The following OXR1 variants were observed in gnomAD, a reference collection of about 807,000 sequenced individuals.
OXR1 encodes the protein oxidation resistance 1.
In OXR1, 41 loss-of-function variants were observed where a neutral mutation model predicts 104.6. The ratio of observed to expected loss-of-function variants is 0.39; its 90% confidence interval spans 0.31 to 0.51. The LOEUF (loss-of-function observed/expected upper bound fraction) is 0.51, where lower values mean the gene tolerates loss of function less well. OXR1 is among the 20% of genes least tolerant of loss of function. OXR1 has a pLI of 0.77. For missense variants in OXR1, 955 were observed against 1,031.9 expected, an observed-to-expected ratio of 0.93 and a Z score of 1.02; for synonymous variants, 348 against 348.4, an observed-to-expected ratio of 1.00 and a Z score of 0.01.
intron 3 of OXR1, among the ~76,000 whole-genome samples, chr8:106,643,901 T>C (rs920060092): frequency 6.6e-6 from 1 of 152,190 alleles, no homozygotes; most frequent in Admixed American, 6.5e-5. Flanking sequence ...TTAAGGGCAT[T>C]GTGTGAAAGA....
intron 4 of OXR1, among the ~76,000 whole-genome samples, chr8:106,681,199 A>G (rs1160240703): frequency 1.3e-5 from 2 of 152,156 alleles, no homozygotes. Flanking sequence ...ATGTGTTATT[A>G]TTAATTATGA....
chr8:106,677,360 A>C (rs967923857), intron 3 of OXR1, among the ~76,000 whole-genome samples: 1 of 152,174 alleles, frequency 6.6e-6, no homozygotes. Context: ...TTAGAGAAGC[A>C]AATTTAAATA....
intron 11 of OXR1, among the ~76,000 whole-genome samples, chr8:106,715,629 T>G (rs1354023725): frequency 6.6e-6 from 1 of 151,968 alleles, no homozygotes; most frequent in Non-Finnish European, 1.5e-5. Flanking sequence ...TTACACAGGA[T>G]TCAGTGACAA....
At chr8:106,675,317 C>T (rs1587046437) in intron 3 of OXR1, among the ~76,000 whole-genome samples, 1 of 152,120 alleles carries the variant, frequency 6.6e-6, no homozygotes, top group South Asian at 2.1e-4. Context: ...AACTTGACCT[C>T]ATGGATATGT....
intron 2 of OXR1, among the ~76,000 whole-genome samples, chr8:106,448,267 A>G (rs1471385406): frequency 3.9e-5 from 6 of 152,184 alleles, no homozygotes; most frequent in Non-Finnish European, 8.8e-5. Flanking sequence ...GTACTAAAGA[A>G]AGGGAAAACC....
At chr8:106,740,187 T>C (rs1042069800) in intron 13 of OXR1, 156 bp from the exon 14 acceptor site, 2 of 542,846 alleles carry the variant, frequency 3.7e-6, no homozygotes, top group Admixed American at 3.6e-5. Flanking sequence ...GTAATACTTT[T>C]CAATCATCTT....
chr8:106,736,045 CAG>C (rs1272292616), intron 11 of OXR1, among the ~76,000 whole-genome samples: 16 of 152,148 alleles, frequency 1.1e-4, no homozygotes, highest in African/African-American at 3.6e-4. Flanking sequence ...GCACTATACT[CAG>C]TCCTTAATAT....
intron 2 of OXR1, among the ~76,000 whole-genome samples, chr8:106,478,434 T>A (rs1031758872): frequency 6.6e-6 from 1 of 151,852 alleles, no homozygotes; most frequent in Non-Finnish European, 1.5e-5. Flanking sequence ...GATTACATTT[T>A]AATTCACACT....
chr8:106,341,523 G>A (rs922822657), intron 1 of OXR1, among the ~76,000 whole-genome samples: 1 of 151,938 alleles, frequency 6.6e-6, no homozygotes, highest in Non-Finnish European at 1.5e-5. Flanking sequence ...GGGAAGACAG[G>A]AATATCAAAT....
chr8:106,706,926 C>A lies in OXR1; in HGVS notation c.1405C>A (p.Pro469Thr). The change falls in exon 9 of 17, where the codon CCT becomes ACT. Residue 469 changes from proline to threonine, a missense_variant. By Grantham distance (38) the Pro-to-Thr change is conservative. Coordinates refer to ENST00000517566, the MANE Select transcript of OXR1 (RefSeq NM_001198533.2). ...AGAAGAGAGTCAAAAAGAAAATATG[C>A]CTTGTGGGGAAACAGCAGAATTTAA... ...HQEESQKENM[P>T]CGETAEFKQK... The A allele has an allele frequency of 1.2e-6, 2 of 1,612,470 alleles. No individual in the cohort carries two copies. The highest frequency in any genetic ancestry group is 1.1e-5 in the South Asian group (1 of 90,668).
At chr8:106,388,896 A>G (rs1032604452) in intron 2 of OXR1, among the ~76,000 whole-genome samples, 1 of 152,350 alleles carries the variant, frequency 6.6e-6, no homozygotes, top group Non-Finnish European at 1.5e-5. Context: ...TCTGTGCTCA[A>G]AGAGATCTTT....
At chr8:106,399,434 T>C (rs1817915105) in intron 2 of OXR1, among the ~76,000 whole-genome samples, 1 of 152,180 alleles carries the variant, frequency 6.6e-6, no homozygotes, top group Admixed American at 6.6e-5. Context: ...GTTTTGGATT[T>C]TATAGTCTGA....
rs907776157 is a variant in OXR1 at position 106,751,942 on chromosome 8, A to G, written c.*1001A>G. 14 of 152,452 alleles carry G rather than the reference A, an allele frequency of 9.2e-5. No homozygotes were observed. Among genetic ancestry groups the G allele is most frequent in the Non-Finnish European group, 2.1e-4 (14 of 67,952 alleles). 9.4% of individuals were successfully genotyped at this position (152,452 alleles called of 1,614,324 possible). A position where few individuals can be genotyped will look rare whatever the true frequency, so the allele number is the denominator to read the frequency against. Reference sequence around the variant, plus strand: ...TTAGCATTTGCTCTTATAAAGGGCAATGATTATAGTAGACAATATTGTAAC... The same window carrying G: ...TTAGCATTTGCTCTTATAAAGGGCAGTGATTATAGTAGACAATATTGTAAC... On this transcript the variant is annotated 3_prime_UTR_variant, in exon 17 of 17. Coordinates refer to ENST00000517566, the MANE Select transcript of OXR1 (RefSeq NM_001198533.2).
At chr8:106,648,709 A>C (rs1451019464) in intron 3 of OXR1, among the ~76,000 whole-genome samples, 1 of 152,226 alleles carries the variant, frequency 6.6e-6, no homozygotes, top group Non-Finnish European at 1.5e-5. Flanking sequence ...GTTGCTTTCC[A>C]GTGAGTTTTT....
chr8:106,736,301 C>T (rs1343490661), intron 11 of OXR1, among the ~76,000 whole-genome samples: 2 of 152,196 alleles, frequency 1.3e-5, no homozygotes, highest in East Asian at 3.9e-4. Flanking sequence ...GAAATCTGTC[C>T]AGCCTCTTTT....
Position 106,306,047 on chromosome 8 carries a change from CT to C in OXR1, c.-139+35690del, listed in dbSNP as rs146495381. Among the ~76,000 whole-genome samples, 137 of 148,064 alleles carry C rather than the reference CT, an allele frequency of 9.3e-4. 1 individual carries two copies. The highest frequency in any genetic ancestry group is 2.4e-3 in the African/African-American group (95 of 40,370). On this transcript the variant is annotated intron_variant, in intron 1 of 16. Coordinates refer to ENST00000517566, the MANE Select transcript of OXR1 (RefSeq NM_001198533.2). Reference sequence around the variant, plus strand: ...CATTTCCCTCCATTCCTTCAGAGCTCTTTTTTTTTTCATTAAAATGCAGTAT... The same window carrying C: ...CATTTCCCTCCATTCCTTCAGAGCTCTTTTTTTTTCATTAAAATGCAGTAT...
At chr8:106,312,542 A>C (rs1563711233) in intron 1 of OXR1, among the ~76,000 whole-genome samples, 1 of 152,170 alleles carries the variant, frequency 6.6e-6, no homozygotes, top group Non-Finnish European at 1.5e-5. Context: ...ATGAATACTC[A>C]GAGGCAAAAA....
intron 3 of OXR1, among the ~76,000 whole-genome samples, chr8:106,602,269 AGGGAATGACAT>A (rs2130757742): frequency 6.6e-6 from 1 of 152,346 alleles, no homozygotes; most frequent in East Asian, 1.9e-4. Context: ...ACTCATACAA[AGGGAATGACAT>A]GATTTTCTCT....
chr8:106,704,994 T>C (rs1022319712), intron 8 of OXR1, among the ~76,000 whole-genome samples: 3 of 152,242 alleles, frequency 2.0e-5, no homozygotes, highest in Non-Finnish European at 2.9e-5. Flanking sequence ...TTCTGTCTTA[T>C]GCTCCTTGGG....
Sources: allele counts gnomAD v4.1 joint callset (sites outside exome capture counted in the v4.1 genomes callset), GRCh38; gene constraint gnomAD v4.1.1; transcripts MANE v1.5; gene names NCBI Gene and HGNC (gene_info 2026-07-23, HGNC 2026-07-21).